PTPRN2: variants seen among roughly 807,000 people sequenced by gnomAD.
PTPRN2 encodes the protein receptor-type tyrosine-protein phosphatase N2.
In PTPRN2, 74 loss-of-function variants were observed where a neutral mutation model predicts 118.8. The ratio of observed to expected loss-of-function variants is 0.62; its 90% CI spans 0.52 to 0.76. PTPRN2 has a LOEUF of 0.76. Ranked by LOEUF, PTPRN2 falls within the 30% of genes least tolerant of loss-of-function variation. PTPRN2 has a pLI of 0.00. For synonymous variants in PTPRN2, 641 were observed against 608.0 expected, an observed-to-expected ratio of 1.05 and a Z score of -0.80; for missense variants, 1,481 against 1,394.4, an observed-to-expected ratio of 1.06 and a Z score of -0.99.
Position 158,331,848 on chromosome 7 carries a change from A to C in PTPRN2, c.164-14916T>G, listed in dbSNP as rs775903713. Among the ~76,000 whole-genome samples the C allele has an allele frequency of 3.4e-3, 255 of 75,640 alleles. 9 individuals carry two copies. The highest frequency in any genetic ancestry group is 9.6e-3 in the Middle Eastern group (1 of 104). 49.6% of individuals were successfully genotyped at this position (75,640 alleles called of 152,430 possible). Reference sequence around the variant, plus strand: ...GTGACACCCGCAGACGACACTAACAACCAGATTCTCACCATAAGAGCTGAC... The same window carrying C: ...GTGACACCCGCAGACGACACTAACACCCAGATTCTCACCATAAGAGCTGAC... On this transcript the variant is annotated intron_variant, in intron 2 of 22. Coordinates refer to ENST00000389418, the MANE Select transcript of PTPRN2 (RefSeq NM_002847.5).
intron 12 of PTPRN2, among the ~76,000 whole-genome samples, chr7:157,702,541 C>T (rs1274926221): frequency 6.6e-6 from 1 of 152,210 alleles, no homozygotes; most frequent in African/African-American, 2.4e-5. Context: ...CAGTGCCCTC[C>T]ATAGGCTCCT....
At chr7:158,178,976 C>G (rs1824461508) in intron 5 of PTPRN2, among the ~76,000 whole-genome samples, 1 of 152,182 alleles carries the variant, frequency 6.6e-6, no homozygotes, top group Admixed American at 6.5e-5. Context: ...CATATATCTA[C>G]AGGTGCCTTT....
chr7:158,274,316 C>A lies in PTPRN2; in HGVS notation c.277+42503G>T, dbSNP rs1168494187. ...ACAGGAGGAGACACACAAGGAGCCG[C>A]AGCCACAGGGGGAGCCGCAGACGCG... On this transcript the variant is annotated intron_variant, in intron 3 of 22. Transcript: ENST00000389418. 3.7e-4 allele frequency among the ~76,000 whole-genome samples: 45 copies of A among 121,260 alleles called. 2 individuals carry two copies. The highest frequency in any genetic ancestry group is 3.5e-3 in the Admixed American group (37 of 10,626). The allele number at this position is 121,260 out of a possible 152,430, so 79.6% of individuals were successfully genotyped here.
At chr7:157,983,358 C>A in intron 11 of PTPRN2, among the ~76,000 whole-genome samples, 1 of 150,712 alleles carries the variant, frequency 6.6e-6, no homozygotes, top group Non-Finnish European at 1.5e-5. Context: ...CCCCCCTAAA[C>A]CCCGAGTCAT....
In PTPRN2 at chr7:157,953,076, C is replaced by T. The variant is rs191582967; in HGVS notation, c.1724-54339G>A. Among the ~76,000 whole-genome samples the T allele has an allele frequency of 4.0e-4, 61 of 152,084 alleles. 1 individual carries two copies. The highest frequency in any genetic ancestry group is 1.3e-3 in the African/African-American group (54 of 41,502). ...GGAACCACCTGACCACAGGGTGAGC[C>T]GTCCAGTGCCAGGAACCACCGGACC... On this transcript the variant is annotated intron_variant, in intron 11 of 22. Transcript: ENST00000389418. The surrounding 1 kb of genome is among the most constrained non-coding windows in gnomAD (Gnocchi z 4.6).
At chr7:157,688,579 C>T (rs1797308450) in intron 12 of PTPRN2, among the ~76,000 whole-genome samples, 1 of 152,224 alleles carries the variant, frequency 6.6e-6, no homozygotes, top group East Asian at 1.9e-4. Context: ...GTCCCCAGGC[C>T]TGCCTGGACG....
In PTPRN2 at chr7:158,570,061, A is replaced by G. The variant is rs1435325548; in HGVS notation, c.112+17497T>C. 6.6e-6 allele frequency among the ~76,000 whole-genome samples: 1 copy of G among 152,024 alleles called. No individual in the cohort carries two copies. The highest frequency in any genetic ancestry group is 1.5e-5 in the Non-Finnish European group (1 of 67,986). On this transcript the variant is annotated intron_variant, in intron 1 of 22. Transcript: ENST00000389418. The surrounding 1 kb of genome is among the most constrained non-coding windows in gnomAD (Gnocchi z 4.5). The stretch of plus-strand genomic sequence containing the variant: ...TCGCGTTCCCTCAGGCGCGTCCTCC[A>G]CCCGTTTCCCCCAGGCAGGGGGAAG...
At chr7:158,120,485 T>C (rs1817070874) in intron 9 of PTPRN2, among the ~76,000 whole-genome samples, 1 of 152,176 alleles carries the variant, frequency 6.6e-6, no homozygotes, top group Non-Finnish European at 1.5e-5. Context: ...AGAACACTCC[T>C]TGTGGCTCAC....
Position 157,974,612 on chromosome 7 carries a change from G to A in PTPRN2, c.1724-75875C>T, listed in dbSNP as rs953638131. ...GGTGGGTGGGACCTCAGACCTCAGCGGGTGATGGCAGTGGGAGCCTGGGCA... is the reference window on the plus strand; with the variant it reads ...GGTGGGTGGGACCTCAGACCTCAGCAGGTGATGGCAGTGGGAGCCTGGGCA... On this transcript the variant is annotated intron_variant, in intron 11 of 22. Transcript: ENST00000389418. The surrounding 1 kb of genome is among the most constrained non-coding windows in gnomAD (Gnocchi z 4.0). 6.6e-5 allele frequency among the ~76,000 whole-genome samples: 10 copies of A among 151,942 alleles called. No homozygotes were observed. The highest frequency in any genetic ancestry group is 9.7e-5 in the African/African-American group (4 of 41,336).
rs576917537 is a variant in PTPRN2, at chr7:157,768,980, G to A, written c.1789-86043C>T. 4.6e-5 allele frequency among the ~76,000 whole-genome samples: 7 copies of A among 152,270 alleles called. No homozygotes were observed. The South Asian group carries it at 1.0e-3, about 23-fold the overall frequency. The stretch of plus-strand genomic sequence containing the variant: ...TTGTCAACACATAATTACTGTCACC[G>A]CTGTGTGCTGACGCTGGCATCAGGT... On this transcript the variant is annotated intron_variant, in intron 12 of 22. Coordinates refer to ENST00000389418, the MANE Select transcript of PTPRN2 (RefSeq NM_002847.5).
chr7:158,037,980 C>A (rs1486273189), intron 11 of PTPRN2, among the ~76,000 whole-genome samples: 2 of 152,176 alleles, frequency 1.3e-5, no homozygotes, highest in Non-Finnish European at 2.9e-5. Flanking sequence ...AATCCGCTAA[C>A]CTCCCGCTTT....
At chr7:157,983,862 C>T (rs895169346) in intron 11 of PTPRN2, among the ~76,000 whole-genome samples, 3 of 152,184 alleles carry the variant, frequency 2.0e-5, no homozygotes, top group African/African-American at 7.2e-5. Flanking sequence ...GCTGTGTGAG[C>T]CAACAGCGCT....
intron 1 of PTPRN2, among the ~76,000 whole-genome samples, chr7:158,569,050 C>T (rs1019363925): frequency 2.0e-5 from 3 of 152,150 alleles, no homozygotes; most frequent in African/African-American, 7.2e-5. Flanking sequence ...CACTGGAGCC[C>T]AAGGCATGGG....
Position 158,320,294 on chromosome 7 carries a change from G to A in PTPRN2, c.164-3362C>T, listed in dbSNP as rs530128070. ...GTAAAGACCAACACGAGTGACTGCT[G>A]GCTCATATGGTAAGAGTATGCTTAG... is the stretch of plus-strand genomic sequence containing the variant. On this transcript the variant is annotated intron_variant, in intron 2 of 22. Transcript: ENST00000389418. Among the ~76,000 whole-genome samples, 44 of 152,264 alleles carry A rather than the reference G, an allele frequency of 2.9e-4. No homozygotes were observed. The South Asian group carries it at 4.2e-3, about 14-fold the overall frequency.
chr7:158,567,771 C>G lies in PTPRN2; in HGVS notation c.112+19787G>C, dbSNP rs1827749851. Reference sequence around the variant, plus strand: ...GTGAACACTGGGGGCTGCACCCCCCCACACCTGATGAGGGGCAGAGAAAAC... The same window carrying G: ...GTGAACACTGGGGGCTGCACCCCCCGACACCTGATGAGGGGCAGAGAAAAC... On this transcript the variant is annotated intron_variant, in intron 1 of 22. Transcript: ENST00000389418. Among the ~76,000 whole-genome samples, 4 of 152,162 alleles carry G rather than the reference C, an allele frequency of 2.6e-5. No individual in the cohort carries two copies. The South Asian group carries it at 8.3e-4, about 32-fold the overall frequency.
Position 157,548,969 on chromosome 7 carries a change from T to C in PTPRN2, c.2953A>G (p.Arg985Gly), listed in dbSNP as rs1403866003. 6.2e-7 allele frequency: 1 copy of C among 1,614,204 alleles called. No individual in the cohort carries two copies. The highest frequency in any genetic ancestry group is 8.5e-7 in the Non-Finnish European group (1 of 1,180,022). The change falls in exon 22 of 23, where the codon AGA becomes GGA. Residue 985 changes from arginine (R) to glycine (G), a missense_variant. Arg to Gly is a moderately radical substitution (Grantham distance 125, BLOSUM62 -2). Transcript: ENST00000389418. ...ACCTTCGTCTGGACCATGCCGGGTC[T>C]CTGGTCCCTCAAGTGCTCCAGGGTC... is the stretch of plus-strand genomic sequence containing the variant. ...AATLEHLRDQ[R>G]PGMVQTKEQF...
intron 11 of PTPRN2, among the ~76,000 whole-genome samples, chr7:157,926,147 G>A (rs10226194): frequency 0.65 from 97,603 of 150,478 alleles, 32,240 homozygotes; most frequent in East Asian, 0.8. Context: ...GGGTCCACGC[G>A]TTACCTCCCT....
chr7:158,148,436 A>C (rs867711243), intron 6 of PTPRN2, among the ~76,000 whole-genome samples: 16 of 81,638 alleles, frequency 2.0e-4, no homozygotes, highest in Admixed American at 8.2e-4. Context: ...TTCCCCTTCA[A>C]TGACACCCCA....
intron 3 of PTPRN2, among the ~76,000 whole-genome samples, chr7:158,276,127 A>T (rs181370447): frequency 6.6e-6 from 1 of 151,686 alleles, no homozygotes; most frequent in Non-Finnish European, 1.5e-5. Flanking sequence ...TTCCATCTGA[A>T]CCTTCCCTCC....
Sources: gnomAD v4.1 joint callset for allele counts (sites outside exome capture counted in the v4.1 genomes callset) on GRCh38, gnomAD v4.1.1 for gene constraint, Gnocchi (gnomAD v3.1) non-coding constraint, MANE v1.5 for transcripts, NCBI Gene and HGNC (gene_info 2026-07-23, HGNC 2026-07-21) for gene names.